The following TPRG1 variants were observed in gnomAD, a reference collection of about 807,000 sequenced individuals.
TPRG1 encodes the protein tumor protein p63 regulated 1.
Under a neutral mutation model 29.3 loss-of-function variants are expected in TPRG1, and 29 were observed. That is an observed-to-expected ratio of 0.99 (90% confidence interval 0.74 to 1.35). TPRG1 has a LOEUF of 1.35. Ranked by LOEUF, TPRG1 falls within the 40% of genes most tolerant of loss-of-function variation. The pLI is 0.00. For synonymous variants in TPRG1, 130 were observed against 116.8 expected (o/e 1.11, Z -0.73); for missense variants, 327 against 335.0 (o/e 0.98, Z 0.19).
At chr3:189,024,613 C>T (rs1249897262) in intron 4 of TPRG1, among the ~76,000 whole-genome samples, 1 of 152,114 alleles carries the variant, frequency 6.6e-6, no homozygotes, top group Non-Finnish European at 1.5e-5. Context: ...TCTCTAAAGC[C>T]TGCAGTCTGG....
chr3:189,208,842 C>T (rs897804427), intron 2 of TPRG1, among the ~76,000 whole-genome samples: 2 of 152,018 alleles, frequency 1.3e-5, no homozygotes, highest in Admixed American at 6.6e-5. Flanking sequence ...GAACACACTG[C>T]GATATAGAAT....
At chr3:189,208,139 T>C (rs1446893424) in intron 2 of TPRG1, among the ~76,000 whole-genome samples, 1 of 152,144 alleles carries the variant, frequency 6.6e-6, no homozygotes, top group Non-Finnish European at 1.5e-5. Context: ...AGTAAATGGA[T>C]GGGTAAGTAA....
At chr3:189,233,959 C>T (rs1739064442) in intron 3 of TPRG1, among the ~76,000 whole-genome samples, 2 of 152,186 alleles carry the variant, frequency 1.3e-5, no homozygotes, top group Non-Finnish European at 2.9e-5. Context: ...CAACCTCAAA[C>T]TCCCGGACTG....
At chr3:189,085,905 A>G (rs1717904230) in intron 4 of TPRG1, among the ~76,000 whole-genome samples, 1 of 152,196 alleles carries the variant, frequency 6.6e-6, no homozygotes, top group Non-Finnish European at 1.5e-5. Context: ...CAATCACTGT[A>G]TTAGTCAGGG....
At chr3:189,246,299 T>C (rs1741376643) in intron 4 of TPRG1, among the ~76,000 whole-genome samples, 1 of 152,194 alleles carries the variant, frequency 6.6e-6, no homozygotes, top group African/African-American at 2.4e-5. Flanking sequence ...CGTGAGTCCA[T>C]TAAACTTTTT....
At position 189,285,174 on chromosome 3, in the gene TPRG1, A is replaced by G. The variant is rs557238433; in HGVS notation, c.480-25212A>G. ...TCAAAAGAAGACATTTATGCAGCCA[A>G]AAGACACAGAAAAAATGCTCACTTT... On this transcript the variant is annotated intron_variant, in intron 4 of 5. Transcript: ENST00000345063. Among the ~76,000 whole-genome samples the G allele has an allele frequency of 4.7e-4, 72 of 152,360 alleles. 1 individual carries two copies. The South Asian group carries it at 0.015, about 32-fold the overall frequency.
chr3:189,182,280 A>G (rs1031790062), intron 1 of TPRG1, among the ~76,000 whole-genome samples: 3 of 152,206 alleles, frequency 2.0e-5, no homozygotes, highest in South Asian at 2.1e-4. Flanking sequence ...TTAATCCTCA[A>G]TAGTATCTGC....
intron 4 of TPRG1, among the ~76,000 whole-genome samples, chr3:189,243,804 G>C (rs113660242): frequency 0.01 from 1,525 of 152,246 alleles, 43 homozygotes; most frequent in African/African-American, 0.036. Flanking sequence ...TCCTTGCTAA[G>C]GCATAACAAA....
At chr3:189,084,813 C>A (rs1192812366) in intron 4 of TPRG1, among the ~76,000 whole-genome samples, 2 of 152,150 alleles carry the variant, frequency 1.3e-5, no homozygotes, top group Non-Finnish European at 2.9e-5. Context: ...TTCCTAAGTC[C>A]ACACAGTTGC....
intron 1 of TPRG1, among the ~76,000 whole-genome samples, chr3:189,109,607 G>A (rs1335179723): frequency 6.6e-6 from 1 of 152,108 alleles, no homozygotes; most frequent in Admixed American, 6.5e-5. Context: ...TATAGAAAAT[G>A]AACGTATAAT....
At chr3:189,177,651 G>T (rs1729668266) in intron 1 of TPRG1, among the ~76,000 whole-genome samples, 1 of 152,002 alleles carries the variant, frequency 6.6e-6, no homozygotes, top group South Asian at 2.1e-4. Context: ...TTTGAGTTTA[G>T]AGAGGTGCAG....
chr3:189,076,553 A>G (rs1354019664), intron 4 of TPRG1, among the ~76,000 whole-genome samples: 1 of 152,144 alleles, frequency 6.6e-6, no homozygotes, highest in African/African-American at 2.4e-5. Flanking sequence ...ACAAAAAAAT[A>G]CTTGTATAAA....
chr3:189,129,301 G>T (rs73201335), intron 2 of TPRG1, among the ~76,000 whole-genome samples: 2,781 of 152,100 alleles, frequency 0.018, 42 homozygotes, highest in Non-Finnish European at 0.026. Flanking sequence ...CTTCAATTTT[G>T]GTTTTTCTGA....
intron 1 of TPRG1, 90 bp from the exon 2 acceptor site, chr3:189,207,286 C>G: frequency 6.7e-7 from 1 of 1,494,412 alleles, no homozygotes; most frequent in Non-Finnish European, 9.0e-7. Context: ...TCAGGAATTC[C>G]GTTTGCTCAT....
intron 3 of TPRG1, chr3:189,218,045 A>G (rs1736335589): frequency 2.0e-6 from 2 of 985,076 alleles, no homozygotes; most frequent in South Asian, 4.7e-5. Context: ...CTTCCCATTT[A>G]TTTAGTTCTT....
In TPRG1 at chr3:189,317,560, G is replaced by A. The variant is rs543658632; in HGVS notation, c.634-3066G>A. ...TTAATATTCTTATTTTATGGCAAAG[G>A]AACTATAAATTTCAGAGAGGTTGGA... On this transcript the variant is annotated intron_variant, in intron 5 of 5. Coordinates refer to ENST00000345063, the MANE Select transcript of TPRG1 (RefSeq NM_198485.4). Among the ~76,000 whole-genome samples the A allele has an allele frequency of 2.6e-5, 4 of 152,258 alleles. No homozygotes were observed. The South Asian group carries it at 8.3e-4, about 32-fold the overall frequency.
At chr3:189,096,951 A>G (rs893051311), upstream of TPRG1, among the ~76,000 whole-genome samples, 5 of 152,190 alleles carry the variant, frequency 3.3e-5, no homozygotes, top group African/African-American at 9.7e-5. Context: ...GAGTTTCTCT[A>G]AGATTAACTG....
chr3:189,105,579 T>G (rs1463345588), intron 1 of TPRG1, among the ~76,000 whole-genome samples: 1 of 152,108 alleles, frequency 6.6e-6, no homozygotes, highest in Non-Finnish European at 1.5e-5. Context: ...GGGGTCAAGA[T>G]AGCATCTCCC....
At chr3:189,242,483 A>G (rs577400480) in intron 4 of TPRG1, among the ~76,000 whole-genome samples, 1 of 152,206 alleles carries the variant, frequency 6.6e-6, no homozygotes, top group Non-Finnish European at 1.5e-5. Context: ...TGGTTGTGAC[A>G]TATTATTCTT....
Sources: gnomAD v4.1 joint callset for allele counts (sites outside exome capture counted in the v4.1 genomes callset) on GRCh38, gnomAD v4.1.1 for gene constraint, MANE v1.5 for transcripts, NCBI Gene and HGNC (gene_info 2026-07-23, HGNC 2026-07-21) for gene names.